ARHGEF16: variants seen among roughly 807,000 people sequenced by gnomAD.
ARHGEF16 encodes the protein Rho guanine exchange factor (GEF) 16.
Under a neutral mutation model 74.1 loss-of-function variants are expected in ARHGEF16, and 59 were observed. That is an observed-to-expected ratio of 0.80 (90% CI 0.65 to 0.99). ARHGEF16 has a LOEUF of 0.99. ARHGEF16 is among the 50% of genes least tolerant of loss of function. ARHGEF16 has a pLI of 0.00. For missense variants in ARHGEF16, 948 were observed against 986.6 expected (o/e 0.96, Z 0.52); for synonymous variants, 415 against 412.6 (o/e 1.01, Z -0.07).
chr1:3,476,449 T>A (rs1639878769), intron 10 of ARHGEF16, among the ~76,000 whole-genome samples: 1 of 152,126 alleles, frequency 6.6e-6, no homozygotes, highest in South Asian at 2.1e-4. Context: ...GGGCAGGGCC[T>A]GAGGACAGAG....
intron 9 of ARHGEF16, 50 bp downstream of exon 9, chr1:3,474,832 T>TGTC: frequency 6.4e-7 from 1 of 1,558,166 alleles, no homozygotes; most frequent in Non-Finnish European, 8.8e-7. Flanking sequence ...ACCCCGACCC[T>TGTC]GTCCCCACCC....
chr1:3,469,660 C>T (rs1639650394), intron 6 of ARHGEF16, 67 bp downstream of exon 6: 20 of 1,588,460 alleles, frequency 1.3e-5, no homozygotes, highest in African/African-American at 4.0e-5. Flanking sequence ...CCGTGGGCAC[C>T]GCACTGTCAT....
chr1:3,465,006 CTT>C (rs1639502971), intron 2 of ARHGEF16, among the ~76,000 whole-genome samples: 1 of 152,228 alleles, frequency 6.6e-6, no homozygotes, highest in Non-Finnish European at 1.5e-5. Context: ...ACAGCTCTCT[CTT>C]GTGCCTACCT....
chr1:3,471,717 C>A (rs780434940), intron 6 of ARHGEF16: 19 of 1,223,776 alleles, frequency 1.6e-5, no homozygotes, highest in Middle Eastern at 2.3e-4. Context: ...GAAGCTCCGG[C>A]CTCCTCCCCC....
At chr1:3,473,573 CG>C in intron 8 of ARHGEF16, 51 bp downstream of exon 8, 1 of 1,599,312 alleles carries the variant, frequency 6.3e-7, no homozygotes, top group African/African-American at 1.3e-5. Context: ...TGGGGTCCCA[CG>C]GCCAGAGCCC....
intron 1 of ARHGEF16, among the ~76,000 whole-genome samples, chr1:3,457,364 G>A (rs1391259179): frequency 6.6e-6 from 1 of 152,246 alleles, no homozygotes; most frequent in Non-Finnish European, 1.5e-5. Context: ...GGACAGAAAT[G>A]CCTGAGGGTG....
chr1:3,479,577 C>T lies in ARHGEF16; in HGVS notation c.1875C>T (p.Leu625=). ...ACAGTGAGAGACAGTGGCAGGGCCT[C>T]TCCAGCAAAGGAGGTGAGTGCGGGC... ...LTHSERQWQG[L]SSKGDLPQVE... Residue 625 remains leucine (L), a synonymous_variant, in exon 13 of 15, where the codon CTC becomes CTT. Transcript: ENST00000378378. 3 of 1,612,104 alleles carry T rather than the reference C, an allele frequency of 1.9e-6. No individual in the cohort carries two copies. Among genetic ancestry groups the T allele is most frequent in the Non-Finnish European group, 2.5e-6 (3 of 1,179,700 alleles).
chr1:3,476,008 G>A lies in ARHGEF16; in HGVS notation c.1419G>A (p.Glu473=). ...GCAACGAGGGGGCCCACAGGATGGA[G>A]CGCATGGAGCAGATGTACACGCTGC... is the stretch of plus-strand genomic sequence containing the variant. The part of the protein sequence containing the change: ...RQCNEGAHRM[E]RMEQMYTLHT... The change falls in exon 10 of 15, where the codon GAG becomes GAA. Residue 473 remains glutamate, a synonymous_variant. Coordinates refer to ENST00000378378, the MANE Select transcript of ARHGEF16 (RefSeq NM_014448.4). 1 of 1,557,616 alleles carries A rather than the reference G, an allele frequency of 6.4e-7. No homozygotes were observed. The highest frequency in any genetic ancestry group is 2.4e-5 in the East Asian group (1 of 41,652).
chr1:3,459,768 G>A (rs776417730), intron 1 of ARHGEF16, among the ~76,000 whole-genome samples: 5 of 152,218 alleles, frequency 3.3e-5, no homozygotes, highest in Non-Finnish European at 5.9e-5. Context: ...TTAACAGGAC[G>A]TGGACAAGGC....
In ARHGEF16 at chr1:3,474,640, G is replaced by A. The variant is rs370519483; in HGVS notation, c.1306-68G>A. The A allele has an allele frequency of 1.6e-4, 240 of 1,469,178 alleles. No homozygotes were observed. In the African/African-American group the frequency reaches 2.5e-3, roughly 15 times the overall value. The allele number at this position is 1,469,178 out of a possible 1,614,324, so 91.0% of individuals were successfully genotyped here. A position where few individuals can be genotyped will look rare whatever the true frequency, so the allele number is the denominator to read the frequency against. On this transcript the variant is annotated intron_variant, in intron 8 of 14. Transcript: ENST00000378378. ...CCTGCAGCCCCACACGGGGTCTGGC[G>A]TTGGTGGGAGCCTCCACACCTGGGA...
chr1:3,464,433 C>T (rs940592469), intron 2 of ARHGEF16, among the ~76,000 whole-genome samples: 2 of 152,162 alleles, frequency 1.3e-5, no homozygotes, highest in South Asian at 2.1e-4. Flanking sequence ...GCCAGGACTG[C>T]GACTCTGGCC....
Position 3,478,290 on chromosome 1 carries a change from C to T in ARHGEF16, c.1626-134C>T, listed in dbSNP as rs112681575. Reference sequence around the variant, plus strand: ...GCCATGGCCTCTGTTCTGTGGGACGCGGGAACTCTTGGAGCCCGTCCGTGG... The same window carrying T: ...GCCATGGCCTCTGTTCTGTGGGACGTGGGAACTCTTGGAGCCCGTCCGTGG... On this transcript the variant is annotated intron_variant, in intron 11 of 14. Coordinates refer to ENST00000378378, the MANE Select transcript of ARHGEF16 (RefSeq NM_014448.4). 347 of 1,060,232 alleles carry T rather than the reference C, an allele frequency of 3.3e-4. 1 individual carries two copies. The African/African-American group carries it at 4.7e-3, about 14-fold the overall frequency. 65.7% of individuals were successfully genotyped at this position (1,060,232 alleles called of 1,614,324 possible).
At chr1:3,478,310 C>T (rs945878038) in intron 11 of ARHGEF16, 114 bp from the exon 12 acceptor site, 2 of 1,204,018 alleles carry the variant, frequency 1.7e-6, no homozygotes, top group African/African-American at 1.5e-5. Context: ...TGGAGCCCGT[C>T]CGTGGCTGCC....
intron 4 of ARHGEF16, 32 bp from the exon 5 acceptor site, chr1:3,468,848 G>T: frequency 1.3e-6 from 2 of 1,549,970 alleles, no homozygotes; most frequent in South Asian, 2.4e-5. Flanking sequence ...TAGGACGTGT[G>T]ACCGAGAGCT....
chr1:3,474,612 C>A, intron 8 of ARHGEF16, 96 bp from the exon 9 acceptor site: 1 of 1,228,596 alleles, frequency 8.1e-7, no homozygotes, highest in Non-Finnish European at 1.2e-6. Context: ...AGCTGTTGAC[C>A]ACCCTGCAGC....
In ARHGEF16 at chr1:3,464,154, T is replaced by C. The variant is rs1327014025; in HGVS notation, c.588+482T>C. On this transcript the variant is annotated intron_variant, in intron 2 of 14. Coordinates refer to ENST00000378378, the MANE Select transcript of ARHGEF16 (RefSeq NM_014448.4). Reference sequence around the variant, plus strand: ...AGGAGAAGTCTGCACATTCCCTCTGTACACAGAGCCCTGCTTCCCTGCCTG... The same window carrying C: ...AGGAGAAGTCTGCACATTCCCTCTGCACACAGAGCCCTGCTTCCCTGCCTG... Among the ~76,000 whole-genome samples the C allele has an allele frequency of 4.5e-4, 10 of 22,048 alleles. No homozygotes were observed. The South Asian group carries it at 0.059, about 130-fold the overall frequency. 14.5% of individuals were successfully genotyped at this position (22,048 alleles called of 152,430 possible).
At position 3,469,525 on chromosome 1, in the gene ARHGEF16, G is replaced by C; in HGVS notation, c.954G>C (p.Ala318=). The change falls in exon 6 of 15, where the codon GCG becomes GCC. Residue 318 remains alanine, a synonymous_variant. Transcript: ENST00000378378. Reference sequence around the variant, plus strand: ...TCCTGCAGTCCAAGGAGCTGCGGGCGACCGTGACCCAGATGGAGCACCACC... The same window carrying C: ...TCCTGCAGTCCAAGGAGCTGCGGGCCACCGTGACCCAGATGGAGCACCACC... ...EEFLQSKELR[A]TVTQMEHHHL... is the part of the protein sequence containing the mutation. 1 of 1,613,126 alleles carries C rather than the reference G, an allele frequency of 6.2e-7. No homozygotes were observed. Among genetic ancestry groups the C allele is most frequent in the South Asian group, 1.1e-5 (1 of 91,076 alleles).
chr1:3,476,183 A>G, intron 10 of ARHGEF16, 121 bp downstream of exon 10: 1 of 1,051,532 alleles, frequency 9.5e-7, no homozygotes. Flanking sequence ...TGCCCTCATG[A>G]GGCCTGGGGG....
intron 1 of ARHGEF16, among the ~76,000 whole-genome samples, chr1:3,459,958 G>T (rs1346718125): frequency 6.6e-6 from 1 of 152,242 alleles, no homozygotes; most frequent in Non-Finnish European, 1.5e-5. Flanking sequence ...GGCCTCCGGG[G>T]ATCAGGGCAG....
Sources: allele counts gnomAD v4.1 joint callset (sites outside exome capture counted in the v4.1 genomes callset), GRCh38; gene constraint gnomAD v4.1.1; transcripts MANE v1.5; gene names NCBI Gene and HGNC (gene_info 2026-07-23, HGNC 2026-07-21).